HR: variants seen among roughly 807,000 people sequenced by gnomAD.
The protein encoded by HR is HR lysine demethylase and nuclear receptor corepressor.
Under a neutral mutation model 128.6 loss-of-function variants are expected in HR, and 83 were observed. The ratio of observed to expected loss-of-function variants is 0.65; its 90% CI spans 0.54 to 0.77. The LOEUF is 0.77. HR is among the 30% of genes least tolerant of loss of function. The probability of loss-of-function intolerance (pLI) is 0.00; values close to 1 mark genes in which losing one functional copy is unlikely to be tolerated. For missense variants in HR, 1,490 were observed against 1,574.6 expected (o/e 0.95, Z 0.91); for synonymous variants, 681 against 658.2 (o/e 1.03, Z -0.53).
chr8:22,119,416 C>T, intron 14 of HR, 133 bp from the exon 15 acceptor site: 1 of 1,303,818 alleles, frequency 7.7e-7, no homozygotes, highest in Non-Finnish European at 1.1e-6. Context: ...TGAGACCAGC[C>T]TCAACATGGA....
Position 22,127,608 on chromosome 8 carries a change from G to T in HR, c.834C>A (p.Ser278=). Residue 278 remains serine (S), a synonymous_variant, in exon 3 of 19, where the codon TCC becomes TCA. Coordinates refer to ENST00000381418, the MANE Select transcript of HR (RefSeq NM_005144.5). The stretch of plus-strand genomic sequence containing the variant: ...CAAGGCCTGGGGGACAAGCGGGCCA[G>T]GAGGTCCAGGGCACAGTGTCTGGCT... ...LGQPDTVPWT[S]WPACPPGLVH... 6.2e-7 allele frequency: 1 copy of T among 1,611,422 alleles called. No homozygotes were observed. Among genetic ancestry groups the T allele is most frequent in the Non-Finnish European group, 8.5e-7 (1 of 1,179,744 alleles).
chr8:22,128,522 C>T (rs761215634), intron 2 of HR, 37 bp downstream of exon 2: 1 of 1,611,022 alleles, frequency 6.2e-7, no homozygotes, highest in Non-Finnish European at 8.5e-7. Flanking sequence ...CTTTGCTAGG[C>T]CAGAGCCACA....
rs1380331504 is a variant in HR at position 22,121,626 on chromosome 8, C to T, written c.2190G>A (p.Lys730=). The T allele has an allele frequency of 1.9e-6, 3 of 1,614,154 alleles. No homozygotes were observed. Among genetic ancestry groups the T allele is most frequent in the Non-Finnish European group, 2.5e-6 (3 of 1,180,042 alleles). ...GGAGCCGCTCACCCTCTTTGATGCT[C>T]TTGGTCCTGTGGGTGTCGCCATTGC... The part of the protein sequence containing the change: ...PSCNGDTHRT[K]SIKEETPDSA... Residue 730 remains lysine, a synonymous_variant, in exon 9 of 19, where the codon AAG becomes AAA. Transcript: ENST00000381418.
At chr8:22,129,753 C>T (rs1021837502) in intron 1 of HR, among the ~76,000 whole-genome samples, 16 of 152,200 alleles carry the variant, frequency 1.1e-4, no homozygotes, top group Non-Finnish European at 2.2e-4. Flanking sequence ...GAAGTGCAGG[C>T]CTGGCAGGCT....
intron 3 of HR, 43 bp downstream of exon 3, chr8:22,126,994 C>T (rs769639151): frequency 2.6e-6 from 4 of 1,519,200 alleles, no homozygotes; most frequent in South Asian, 1.2e-5. Flanking sequence ...GCCCCGGCTG[C>T]CCCCTCCCAC....
intron 3 of HR, 25 bp downstream of exon 3, chr8:22,127,012 C>T (rs763992247): frequency 1.4e-4 from 220 of 1,605,932 alleles, no homozygotes; most frequent in Middle Eastern, 2.0e-4. Context: ...CACGCAGGGC[C>T]TGCAGCCCCT....
chr8:22,125,200 C>G (rs1255479142), intron 5 of HR, 111 bp downstream of exon 5: 1 of 1,115,504 alleles, frequency 9.0e-7, no homozygotes, highest in Non-Finnish European at 1.3e-6. Flanking sequence ...GCCAGGGGCT[C>G]TTCTGAGGTT....
Position 22,122,785 on chromosome 8 carries a change from C to T in HR, c.2005+5G>A, listed in dbSNP as rs1391449211. The stretch of plus-strand genomic sequence containing the variant: ...TGCACGCCCCACCCCTCCAAGATGG[C>T]TCACCCTGGCTGGAGACAAACTGGG... On this transcript the variant is annotated splice_donor_5th_base_variant and intron_variant, in intron 7 of 18. Coordinates refer to ENST00000381418, the MANE Select transcript of HR (RefSeq NM_005144.5). The T allele has an allele frequency of 6.4e-7, 1 of 1,551,546 alleles. No homozygotes were observed. The highest frequency in any genetic ancestry group is 8.7e-7 in the Non-Finnish European group (1 of 1,147,620).
chr8:22,127,858 A>T (rs1826941652), intron 2 of HR, 29 bp from the exon 3 acceptor site: 5 of 1,596,490 alleles, frequency 3.1e-6, no homozygotes, highest in Non-Finnish European at 3.4e-6. Flanking sequence ...GTTACGCTTC[A>T]GCTGACTTGG....
At position 22,119,303 on chromosome 8, in the gene HR, GAAC is replaced by G; in HGVS notation, c.2978-23_2978-21del. The stretch of plus-strand genomic sequence containing the variant: ...TCACACCTGCATGGCAATAGAGAAA[GAAC>G]AGTTAGAAATGGAATCAGAGAGCCA... On this transcript the variant is annotated intron_variant, in intron 14 of 18. Transcript: ENST00000381418. 1 of 1,613,190 alleles carries G rather than the reference GAAC, an allele frequency of 6.2e-7. No individual in the cohort carries two copies. Among genetic ancestry groups the G allele is most frequent in the South Asian group, 1.1e-5 (1 of 91,060 alleles).
rs192616892 is a variant in HR at position 22,129,052 on chromosome 8, G to T, written c.119C>A (p.Pro40Gln). The change falls in exon 2 of 19, where the codon CCG becomes CAG. Residue 40 changes from proline (P) to glutamine (Q), a missense_variant. Around this residue, in one of 3 missense-constraint regions of HR, gnomAD observed 1,060 missense variants for 1,060.9 expected, o/e 1.00. Transcript: ENST00000381418. ...SPPRDGLHHG[P>Q]LCLGEPAPFW... ...GGGAGCAGGCTCTCCCAGGCACAGC[G>T]GCCCATGGTGCAGTCCATCTCGAGG... 49 of 1,599,380 alleles carry T rather than the reference G, an allele frequency of 3.1e-5. No homozygotes were observed. Among genetic ancestry groups the T allele is most frequent in the Non-Finnish European group, 3.9e-5 (46 of 1,172,410 alleles).
intron 6 of HR, 32 bp downstream of exon 6, chr8:22,123,617 T>TCG: frequency 2.4e-5 from 7 of 292,092 alleles, no homozygotes; most frequent in Non-Finnish European, 3.7e-5. Context: ...GAGGGCTCCA[T>TCG]CCCGCCCTCC....
Position 22,115,696 on chromosome 8 carries a change from C to G in HR, c.*4G>C. ...CACCCCGATCCCAGACACCTAGCATCCCTCTATTTGGCCTCCTGTAATGTC... is the reference window on the plus strand; with the variant it reads ...CACCCCGATCCCAGACACCTAGCATGCCTCTATTTGGCCTCCTGTAATGTC... On this transcript the variant is annotated 3_prime_UTR_variant, in exon 19 of 19. Coordinates refer to ENST00000381418, the MANE Select transcript of HR (RefSeq NM_005144.5). The G allele has an allele frequency of 1.2e-6, 2 of 1,613,146 alleles. No individual in the cohort carries two copies. Among genetic ancestry groups the G allele is most frequent in the South Asian group, 2.2e-5 (2 of 91,046 alleles).
chr8:22,119,464 G>A (rs1021574812), intron 14 of HR, among the ~76,000 whole-genome samples, 181 bp from the exon 15 acceptor site: 5 of 152,062 alleles, frequency 3.3e-5, no homozygotes, highest in African/African-American at 7.2e-5. Flanking sequence ...AAAATTAGCC[G>A]GGCGTGGTGG....
At chr8:22,124,648 C>G (rs191338775) in intron 5 of HR, among the ~76,000 whole-genome samples, 206 of 152,266 alleles carry the variant, frequency 1.4e-3, no homozygotes, top group African/African-American at 4.7e-3. Flanking sequence ...GATGGGAATG[C>G]GGGAGAGCTT....
intron 11 of HR, 67 bp downstream of exon 11, chr8:22,120,649 A>G: frequency 6.5e-7 from 1 of 1,541,048 alleles, no homozygotes; most frequent in Non-Finnish European, 8.7e-7. Flanking sequence ...GTCTGGGCCT[A>G]GGGACCAAGG....
chr8:22,116,979 C>T lies in HR; in HGVS notation c.3274G>A (p.Ala1092Thr). 1 of 1,534,274 alleles carries T rather than the reference C, an allele frequency of 6.5e-7. No homozygotes were observed. Among genetic ancestry groups the T allele is most frequent in the Non-Finnish European group, 8.7e-7 (1 of 1,144,302 alleles). Residue 1092 changes from alanine (A) to threonine (T), a missense_variant, in exon 17 of 19, where the codon GCA becomes ACA. By Grantham distance (58) the Ala-to-Thr change is moderately conservative. This residue lies in a region of HR where 423 missense variants were observed against 495.9 expected (regional missense o/e 0.85). Transcript: ENST00000381418. This position sits in a 1 kb window ranked among gnomAD's most constrained non-coding sequence, Gnocchi z 4.2. ...TCCCGCAGGCGCCGCCGCAGCCCTG[C>T]ATCCAGGTAGCAGCTGCCTGGGGCG... ...PGAPGSCYLD[A>T]GLRRRLREEW...
chr8:22,120,600 C>G, intron 11 of HR, 93 bp from the exon 12 acceptor site: 1 of 1,589,454 alleles, frequency 6.3e-7, no homozygotes, highest in Non-Finnish European at 8.5e-7. Context: ...TAGAACAGCT[C>G]GGGGACAGCC....
chr8:22,123,777 A>C lies in HR; in HGVS notation c.1787T>G (p.Ile596Ser). The C allele has an allele frequency of 6.2e-7, 1 of 1,604,088 alleles. No homozygotes were observed. The highest frequency in any genetic ancestry group is 8.5e-7 in the Non-Finnish European group (1 of 1,178,034). Reference protein sequence around the residue: ...GPAVTEDSPGIPRCCSRCHHG... With the variant: ...GPAVTEDSPGSPRCCSRCHHG... Reference sequence around the variant, plus strand: ...GTGGCAACGGCTGCAGCAGCGTGGAATGCCTGGGCTGTCCTCTGTCACGGC... The same window carrying C: ...GTGGCAACGGCTGCAGCAGCGTGGACTGCCTGGGCTGTCCTCTGTCACGGC... The change falls in exon 6 of 19, where the codon ATT (isoleucine) becomes AGT (serine). Residue 596 changes from isoleucine (I) to serine (S), a missense_variant. Coordinates refer to ENST00000381418, the MANE Select transcript of HR (RefSeq NM_005144.5).
Sources: allele counts gnomAD v4.1 joint callset (sites outside exome capture counted in the v4.1 genomes callset), GRCh38; gene constraint gnomAD v4.1.1; regional missense constraint gnomAD v4.1.1; non-coding constraint Gnocchi (gnomAD v3.1); transcripts MANE v1.5; gene names NCBI Gene and HGNC (gene_info 2026-07-23, HGNC 2026-07-21).